HAUS2: variants seen among roughly 807,000 people sequenced by gnomAD.
HAUS2 encodes the protein HAUS augmin-like complex subunit 2.
Under a neutral mutation model 21.6 loss-of-function variants are expected in HAUS2, and 20 were observed. The observed-to-expected ratio is 0.93, with a 90% CI of 0.65 to 1.35. The LOEUF (loss-of-function observed/expected upper bound fraction) is 1.35. Ranked by LOEUF, HAUS2 falls within the 40% of genes most tolerant of loss-of-function variation. HAUS2 has a pLI of 0.00. For missense variants in HAUS2, 297 were observed against 280.7 expected (o/e 1.06, Z -0.42); for synonymous variants, 113 against 95.6 (o/e 1.18, Z -1.06).
chr15:42,549,081 A>G, intron 1 of HAUS2, 116 bp downstream of exon 1: 2 of 638,766 alleles, frequency 3.1e-6, no homozygotes, highest in South Asian at 1.9e-5. Flanking sequence ...GGTCTGTACT[A>G]GAGTAATAAG....
At position 42,556,746 on chromosome 15, in the gene HAUS2, T is replaced by G. The variant is rs111766046; in HGVS notation, c.94-1452T>G. Among the ~76,000 whole-genome samples, 549 of 151,772 alleles carry G rather than the reference T, an allele frequency of 3.6e-3. 4 individuals carry two copies. The highest frequency in any genetic ancestry group is 0.013 in the African/African-American group (520 of 41,390). On this transcript the variant is annotated intron_variant, in intron 1 of 5. Coordinates refer to ENST00000260372, the MANE Select transcript of HAUS2 (RefSeq NM_018097.3). ...TGGCCTGGACGCGGTGGCTCACGCC[T>G]GTAATCTGGGCACTCTGGGAGGCTG...
In HAUS2 at chr15:42,566,961, A is replaced by G; in HGVS notation, c.*145A>G. The G allele has an allele frequency of 2.0e-6, 1 of 507,774 alleles. No homozygotes were observed. The highest frequency in any genetic ancestry group is 3.1e-5 in the South Asian group (1 of 32,530). The allele number at this position is 507,774 out of a possible 1,614,324, so 31.5% of individuals were successfully genotyped here. On this transcript the variant is annotated 3_prime_UTR_variant, in exon 6 of 6. Coordinates refer to ENST00000260372, the MANE Select transcript of HAUS2 (RefSeq NM_018097.3). ...GGAGTATCAAGATCTCAGGTTCATT[A>G]AGACCAAACTGACTTTTCCTTTGTT...
intron 1 of HAUS2, among the ~76,000 whole-genome samples, chr15:42,555,324 C>G (rs532155764): frequency 5.7e-4 from 87 of 151,954 alleles, no homozygotes; most frequent in Non-Finnish European, 1.1e-3. Context: ...GAGACAGGGT[C>G]TCCCTGTGTT....
intron 4 of HAUS2, 101 bp from the exon 5 acceptor site, chr15:42,563,648 T>C: frequency 1.4e-6 from 1 of 726,404 alleles, no homozygotes; most frequent in East Asian, 2.5e-5. Flanking sequence ...AGGTTGATTG[T>C]AATTCTTATC....
chr15:42,552,941 A>G (rs893259955), intron 1 of HAUS2, among the ~76,000 whole-genome samples: 1 of 151,968 alleles, frequency 6.6e-6, no homozygotes, highest in East Asian at 1.9e-4. Context: ...GTGCCCACCA[A>G]TTACAAGTTT....
chr15:42,558,917 C>T (rs1388696755), intron 2 of HAUS2, among the ~76,000 whole-genome samples: 1 of 151,948 alleles, frequency 6.6e-6, no homozygotes, highest in African/African-American at 2.4e-5. Context: ...ATGTTTGGGC[C>T]ATTGCACTCC....
At chr15:42,555,132 G>T (rs1302562546) in intron 1 of HAUS2, among the ~76,000 whole-genome samples, 1 of 151,584 alleles carries the variant, frequency 6.6e-6, no homozygotes, top group African/African-American at 2.4e-5. Context: ...TGGGACTACA[G>T]GCACGCCACC....
chr15:42,567,203 C>T lies in HAUS2; in HGVS notation c.*387C>T, dbSNP rs575870694. 5.2e-5 allele frequency: 9 copies of T among 173,988 alleles called. No individual in the cohort carries two copies. In the South Asian group the frequency reaches 1.2e-3, roughly 23 times the overall value. The allele number at this position is 173,988 out of a possible 1,614,324, so 10.8% of individuals were successfully genotyped here. ...TCACTTAAACCCAGGAGTTCAAGACCAGCCTGGGTAACATGGTGAAATCCC... is the reference window on the plus strand; with the variant it reads ...TCACTTAAACCCAGGAGTTCAAGACTAGCCTGGGTAACATGGTGAAATCCC... On this transcript the variant is annotated 3_prime_UTR_variant, in exon 6 of 6. Transcript: ENST00000260372.
intron 1 of HAUS2, among the ~76,000 whole-genome samples, chr15:42,549,696 G>A (rs1164253049): frequency 2.9e-5 from 4 of 137,824 alleles, no homozygotes; most frequent in Admixed American, 8.2e-5. Flanking sequence ...TGATCCACCC[G>A]CCTCGGCCTC....
chr15:42,566,000 C>T (rs1339742240), intron 5 of HAUS2, among the ~76,000 whole-genome samples: 2 of 152,068 alleles, frequency 1.3e-5, no homozygotes, highest in Admixed American at 6.6e-5. Context: ...GAGGAGATCA[C>T]GACCATCCTG....
At chr15:42,563,893 A>C (rs1179477629) in intron 5 of HAUS2, 36 bp downstream of exon 5, 4 of 964,450 alleles carry the variant, frequency 4.1e-6, no homozygotes. Context: ...GTTATTTTTT[A>C]CTAGAAACTT....
chr15:42,566,432 T>C (rs1329718960), intron 5 of HAUS2, among the ~76,000 whole-genome samples, 175 bp from the exon 6 acceptor site: 4 of 152,180 alleles, frequency 2.6e-5, no homozygotes, highest in Non-Finnish European at 4.4e-5. Flanking sequence ...ACAAAAGAGT[T>C]GAACTCACAA....
rs1566830815 is a variant in HAUS2, at chr15:42,555,208, G to A, written c.94-2990G>A. ...TCACCATGTTGGCCAGGATGGTCTC[G>A]ATCTCCTGACCTCGTGATCTGCCCA... On this transcript the variant is annotated intron_variant, in intron 1 of 5. Coordinates refer to ENST00000260372, the MANE Select transcript of HAUS2 (RefSeq NM_018097.3). 2.0e-5 allele frequency among the ~76,000 whole-genome samples: 3 copies of A among 151,416 alleles called. No individual in the cohort carries two copies. In the South Asian group the frequency reaches 6.3e-4, roughly 32 times the overall value.
At position 42,548,842 on chromosome 15, in the gene HAUS2, T is replaced by G. The variant is rs1239935462; in HGVS notation, c.-31T>G. On this transcript the variant is annotated 5_prime_UTR_variant, in exon 1 of 6. Transcript: ENST00000260372. ...GTTCGCCCTGCGATCCCGCTCACTC[T>G]TGGCGCCTTCGCGGAAGGTGCGTCC... 3.3e-6 allele frequency: 5 copies of G among 1,515,178 alleles called. No individual in the cohort carries two copies. The Admixed American group carries it at 8.0e-5, about 24-fold the overall frequency. 93.9% of individuals were successfully genotyped at this position (1,515,178 alleles called of 1,614,324 possible). A position where few individuals can be genotyped will look rare whatever the true frequency, so the allele number is the denominator to read the frequency against.
At position 42,566,991 on chromosome 15, in the gene HAUS2, A is replaced by G; in HGVS notation, c.*175A>G. ...CAAACTGACTTTTCCTTTGTTTTTC[A>G]TATATTTTTATTCTACCTTTCAGTA... On this transcript the variant is annotated 3_prime_UTR_variant, in exon 6 of 6. Coordinates refer to ENST00000260372, the MANE Select transcript of HAUS2 (RefSeq NM_018097.3). The G allele has an allele frequency of 4.4e-6, 2 of 453,060 alleles. No individual in the cohort carries two copies. The highest frequency in any genetic ancestry group is 6.9e-5 in the South Asian group (2 of 28,904). The allele number at this position is 453,060 out of a possible 1,614,324, so 28.1% of individuals were successfully genotyped here.
intron 2 of HAUS2, among the ~76,000 whole-genome samples, chr15:42,558,679 C>T (rs1375349108): frequency 6.6e-6 from 1 of 151,806 alleles, no homozygotes; most frequent in Non-Finnish European, 1.5e-5. Context: ...AAAAGTTGGC[C>T]AGATGTAGTG....
chr15:42,555,008 T>G (rs898766843), intron 1 of HAUS2, among the ~76,000 whole-genome samples: 20 of 151,514 alleles, frequency 1.3e-4, no homozygotes, highest in Admixed American at 7.9e-4. Context: ...TTTTTTTTTT[T>G]GAGACAGAGT....
intron 1 of HAUS2, among the ~76,000 whole-genome samples, chr15:42,553,609 C>CT (rs1566830213): frequency 1.3e-5 from 2 of 152,116 alleles, no homozygotes; most frequent in African/African-American, 4.8e-5. Flanking sequence ...ACCTGACCCT[C>CT]TTTCTTTCTT....
In HAUS2 at chr15:42,558,224, A is replaced by G. The variant is rs763644156; in HGVS notation, c.120A>G (p.Thr40=). ...NQEMLNMSKK[T]VSCFVNFTRL... ...AGATGTTAAACATGTCTAAGAAAAC[A>G]GTTTCTTGTTTTGTGAACTTCACCA... The change falls in exon 2 of 6, where the codon ACA becomes ACG. Residue 40 remains threonine (T), a synonymous_variant. Transcript: ENST00000260372. The G allele has an allele frequency of 6.7e-7, 1 of 1,491,864 alleles. No individual in the cohort carries two copies. Among genetic ancestry groups the G allele is most frequent in the Non-Finnish European group, 9.3e-7 (1 of 1,072,614 alleles). The allele number at this position is 1,491,864 out of a possible 1,614,324, so 92.4% of individuals were successfully genotyped here.
Sources: gnomAD v4.1 joint callset for allele counts (sites outside exome capture counted in the v4.1 genomes callset) on GRCh38, gnomAD v4.1.1 for gene constraint, MANE v1.5 for transcripts, NCBI Gene and HGNC (gene_info 2026-07-23, HGNC 2026-07-21) for gene names.